Variants in KIF1B observed in about 807,000 individuals in gnomAD.
The protein encoded by KIF1B is kinesin-like protein KIF1B.
Under a neutral mutation model 241.9 loss-of-function variants are expected in KIF1B, and 76 were observed. The observed-to-expected ratio is 0.31, with a 90% CI of 0.26 to 0.38. The LOEUF (loss-of-function observed/expected upper bound fraction) is 0.38. Ranked by LOEUF, KIF1B falls within the 10% of genes least tolerant of loss-of-function variation. The probability of loss-of-function intolerance (pLI) is 1.00; values close to 1 mark genes in which losing one functional copy is unlikely to be tolerated. For missense variants in KIF1B, 1,622 were observed against 2,271.4 expected, an observed-to-expected ratio of 0.71 and a Z score of 5.81; for synonymous variants, 750 against 796.7, an observed-to-expected ratio of 0.94 and a Z score of 0.99.
chr1:10,247,549 A>C (rs1337961225), intron 2 of KIF1B, among the ~76,000 whole-genome samples: 1 of 152,224 alleles, frequency 6.6e-6, no homozygotes, highest in Non-Finnish European at 1.5e-5. Context: ...ACATGCAAGT[A>C]TTTGTTAAAT....
Position 10,297,028 on chromosome 1 carries a change from G to T in KIF1B, c.1993G>T (p.Glu665Ter). Reference protein sequence around the residue: ...EPVDWTFAQRELLEKQGIDMK... With the variant: ...EPVDWTFAQR ...TGTGGACTGGACATTTGCCCAGAGGGAGCTTCTGGAAAAACAAGGAATTGA... is the reference window on the plus strand; with the variant it reads ...TGTGGACTGGACATTTGCCCAGAGGTAGCTTCTGGAAAAACAAGGAATTGA... The change falls in exon 21 of 49, where the codon GAG (glutamate) becomes TAG (stop). Residue 665 changes from glutamate (E) to a stop codon, truncating the protein, a stop_gained. Transcript: ENST00000676179. LOFTEE classifies it high-confidence loss of function. 1 of 1,614,058 alleles carries T rather than the reference G, an allele frequency of 6.2e-7. No homozygotes were observed. The highest frequency in any genetic ancestry group is 8.5e-7 in the Non-Finnish European group (1 of 1,179,994).
chr1:10,255,915 A>G (rs1053474253), intron 2 of KIF1B, among the ~76,000 whole-genome samples: 2 of 151,832 alleles, frequency 1.3e-5, no homozygotes, highest in Admixed American at 1.3e-4. Flanking sequence ...TCAGCTTCCT[A>G]AGTAGCTGGG....
intron 38 of KIF1B, among the ~76,000 whole-genome samples, chr1:10,355,203 T>C (rs1414787853): frequency 6.6e-6 from 1 of 152,232 alleles, no homozygotes; most frequent in African/African-American, 2.4e-5. Context: ...GTAAGTCCTC[T>C]ATGGAATTGT....
chr1:10,278,598 T>A, intron 13 of KIF1B: 1 of 194,642 alleles, frequency 5.1e-6, no homozygotes, highest in South Asian at 9.2e-5. Flanking sequence ...AATGGCCCCC[T>A]CCTCCTGTAA....
At chr1:10,256,108 C>T (rs1647765793) in intron 2 of KIF1B, 139 bp from the exon 3 acceptor site, 1 of 671,662 alleles carries the variant, frequency 1.5e-6, no homozygotes, top group South Asian at 1.6e-5. Context: ...TGAGCCCAGC[C>T]TATTAATTTT....
chr1:10,239,682 A>C (rs1216398327), intron 2 of KIF1B, among the ~76,000 whole-genome samples: 2 of 152,006 alleles, frequency 1.3e-5, no homozygotes, highest in Non-Finnish European at 2.9e-5. Flanking sequence ...GTCTCGGCTC[A>C]CTGCAACCTC....
chr1:10,342,389 C>A (rs1052951749), intron 33 of KIF1B, among the ~76,000 whole-genome samples: 10 of 152,180 alleles, frequency 6.6e-5, no homozygotes, highest in Non-Finnish European at 1.3e-4. Flanking sequence ...CAAATACCAT[C>A]TTTTTGTAGG....
chr1:10,241,579 A>G (rs967956424), intron 2 of KIF1B, among the ~76,000 whole-genome samples: 3 of 152,220 alleles, frequency 2.0e-5, no homozygotes, highest in African/African-American at 7.2e-5. Flanking sequence ...TCACATCAAA[A>G]TGGCTAAGAG....
chr1:10,351,577 A>G (rs1259050977), intron 37 of KIF1B, among the ~76,000 whole-genome samples: 4 of 152,196 alleles, frequency 2.6e-5, no homozygotes, highest in Non-Finnish European at 5.9e-5. Flanking sequence ...GCAGTCCAGC[A>G]CTGGAGGCCA....
At chr1:10,293,482 G>A (rs1475562174) in intron 17 of KIF1B, among the ~76,000 whole-genome samples, 1 of 146,044 alleles carries the variant, frequency 6.8e-6, no homozygotes, top group Non-Finnish European at 1.5e-5. Flanking sequence ...TGCAACCTCC[G>A]CCTCCCGGGT....
Position 10,365,131 on chromosome 1 carries a change from T to C in KIF1B, c.4398T>C (p.Asp1466=), listed in dbSNP as rs1265663201. 6.2e-7 allele frequency: 1 copy of C among 1,614,002 alleles called. No homozygotes were observed. The highest frequency in any genetic ancestry group is 1.7e-5 in the Admixed American group (1 of 59,992). ...AGAGAAGGAGAAGAAAAATCTTAGA[T>C]ACGTCAGTGGCATATGTGCGGGGAG... The part of the protein sequence containing the change: ...GMQRRRRKIL[D]TSVAYVRGEE... The change falls in exon 42 of 49, where the codon GAT becomes GAC. Residue 1466 remains aspartate (D), a synonymous_variant. Coordinates refer to ENST00000676179, the MANE Select transcript of KIF1B (RefSeq NM_001365951.3). The surrounding 1 kb of genome is among the most constrained non-coding windows in gnomAD (Gnocchi z 4.0).
chr1:10,261,941 T>C lies in KIF1B; in HGVS notation c.400T>C (p.Cys134Arg). 1 of 1,612,180 alleles carries C rather than the reference T, an allele frequency of 6.2e-7. No individual in the cohort carries two copies. The highest frequency in any genetic ancestry group is 1.1e-5 in the South Asian group (1 of 91,040). Reference protein sequence around the residue: ...EELFEKINDNCNEEMSYSVEV... With the variant: ...EELFEKINDNRNEEMSYSVEV... ...ACTTTTTGAGAAAATCAATGACAAC[T>C]GTAATGAAGAAATGTCTTACTCTGT... The change falls in exon 5 of 49, where the codon TGT becomes CGT. Residue 134 changes from cysteine (C) to arginine (R), a missense_variant. Transcript: ENST00000676179.
rs1651619133 is a variant in KIF1B at position 10,323,918 on chromosome 1, T to C, written c.2393T>C (p.Leu798Pro). The change falls in exon 25 of 49, where the codon CTG becomes CCG. Residue 798 changes from leucine to proline, a missense_variant. Transcript: ENST00000676179. The part of the protein sequence containing the change: ...QFQFVLLTDT[L>P]YSPLPPELLP... Reference sequence around the variant, plus strand: ...CAGTTTGTTCTGCTGACTGACACACTGTACTCCCCTTTGCCTCCTGAATTA... The same window carrying C: ...CAGTTTGTTCTGCTGACTGACACACCGTACTCCCCTTTGCCTCCTGAATTA... 1.2e-6 allele frequency: 2 copies of C among 1,614,170 alleles called. No individual in the cohort carries two copies. The highest frequency in any genetic ancestry group is 1.3e-5 in the African/African-American group (1 of 75,064).
rs545158053 is a variant in KIF1B at position 10,317,263 on chromosome 1, A to G, written c.2116-2780A>G. Among the ~76,000 whole-genome samples, 246 of 151,602 alleles carry G rather than the reference A, an allele frequency of 1.6e-3. 11 individuals carry two copies. Among genetic ancestry groups the G allele is most frequent in the African/African-American group, 5.6e-3 (231 of 40,906 alleles). On this transcript the variant is annotated intron_variant, in intron 22 of 48. Transcript: ENST00000676179. ...CTCCTTCTTTCAGTATCACCATGGAATCATGAATTCTTTCTATATTCAATG... is the reference window on the plus strand; with the variant it reads ...CTCCTTCTTTCAGTATCACCATGGAGTCATGAATTCTTTCTATATTCAATG...
intron 24 of KIF1B, among the ~76,000 whole-genome samples, chr1:10,322,672 A>G (rs570443857): frequency 4.6e-5 from 7 of 152,196 alleles, no homozygotes; most frequent in Non-Finnish European, 8.8e-5. Context: ...TTCTAGTTTT[A>G]GGGAATACGA....
chr1:10,342,263 T>C lies in KIF1B; in HGVS notation c.3632+95T>C. ...GAAGAAATCTTTTGAGGGATTAAGA[T>C]AACTAAATAAGTATTCTATATTACC... On this transcript the variant is annotated intron_variant, in intron 33 of 48. Coordinates refer to ENST00000676179, the MANE Select transcript of KIF1B (RefSeq NM_001365951.3). The C allele has an allele frequency of 6.0e-6, 5 of 840,146 alleles. No homozygotes were observed. The South Asian group carries it at 6.6e-5, about 11-fold the overall frequency. 52.0% of individuals were successfully genotyped at this position (840,146 alleles called of 1,614,324 possible).
chr1:10,245,137 C>T (rs998533604), intron 2 of KIF1B, among the ~76,000 whole-genome samples: 2 of 152,140 alleles, frequency 1.3e-5, no homozygotes, highest in African/African-American at 4.8e-5. Flanking sequence ...TAAATTTATT[C>T]TGGGGAATTA....
chr1:10,296,784 A>G lies in KIF1B; in HGVS notation c.1862-113A>G, dbSNP rs553878826. On this transcript the variant is annotated intron_variant, in intron 20 of 48. Coordinates refer to ENST00000676179, the MANE Select transcript of KIF1B (RefSeq NM_001365951.3). ...CAGCATTAGGATTTTTGTTCTTGTAAAAACAACAGCTCTGAAAGCTGTCTT... is the reference window on the plus strand; with the variant it reads ...CAGCATTAGGATTTTTGTTCTTGTAGAAACAACAGCTCTGAAAGCTGTCTT... The G allele has an allele frequency of 2.4e-5, 33 of 1,393,980 alleles. No homozygotes were observed. The African/African-American group carries it at 4.4e-4, about 19-fold the overall frequency. The allele number at this position is 1,393,980 out of a possible 1,614,324, so 86.4% of individuals were successfully genotyped here. A position where few individuals can be genotyped will look rare whatever the true frequency, so the allele number is the denominator to read the frequency against.
rs1211808831 is a variant in KIF1B at position 10,306,203 on chromosome 1, A to G, written c.2115+8957A>G. Reference sequence around the variant, plus strand: ...AGCTTTGAGAGATATTTTTGCTTTCATAGCTAGAACAGTTGAAGTCTTCAA... The same window carrying G: ...AGCTTTGAGAGATATTTTTGCTTTCGTAGCTAGAACAGTTGAAGTCTTCAA... On this transcript the variant is annotated intron_variant, in intron 22 of 48. Coordinates refer to ENST00000676179, the MANE Select transcript of KIF1B (RefSeq NM_001365951.3). 6.7e-6 allele frequency: 7 copies of G among 1,039,634 alleles called. No individual in the cohort carries two copies. The South Asian group carries it at 2.8e-4, about 41-fold the overall frequency. The allele number at this position is 1,039,634 out of a possible 1,614,324, so 64.4% of individuals were successfully genotyped here.
Sources: allele counts gnomAD v4.1 joint callset (sites outside exome capture counted in the v4.1 genomes callset), GRCh38; gene constraint gnomAD v4.1.1; non-coding constraint Gnocchi (gnomAD v3.1); transcripts MANE v1.5; gene names NCBI Gene and HGNC (gene_info 2026-07-23, HGNC 2026-07-21).